BLTP1: variants seen among roughly 807,000 people sequenced by gnomAD.
BLTP1 encodes the protein fragile site-associated protein.
the BLTP1 span, among the ~76,000 whole-genome samples, chr4:122,260,759 G>C: frequency 6.6e-6 from 1 of 151,966 alleles, no homozygotes; most frequent in South Asian, 2.1e-4. Flanking sequence ...GCGAAGACAT[G>C]ATGAGTCTAA....
At chr4:122,319,421 T>A in the BLTP1 span, among the ~76,000 whole-genome samples, 1 of 152,024 alleles carries the variant, frequency 6.6e-6, no homozygotes, top group Non-Finnish European at 1.5e-5. Context: ...TGATTTTCTT[T>A]TATATTTTAA....
the BLTP1 span, chr4:122,348,791 C>A: frequency 1.0e-6 from 1 of 996,604 alleles, no homozygotes; most frequent in Non-Finnish European, 1.5e-6. Flanking sequence ...TAAAGATATT[C>A]AGAACCTTTT....
chr4:122,204,376 C>A, the BLTP1 span: 1 of 777,904 alleles, frequency 1.3e-6, no homozygotes, highest in Non-Finnish European at 1.6e-6. Flanking sequence ...TAGTATTTTG[C>A]CATTTACAAA....
the BLTP1 span, chr4:122,336,081 A>C: frequency 4.3e-5 from 29 of 677,434 alleles, no homozygotes; most frequent in Non-Finnish European, 6.4e-5. Flanking sequence ...ATTTTCTTGT[A>C]AGGCCTTAAA....
chr4:122,348,690 A>G, the BLTP1 span: 1 of 1,607,876 alleles, frequency 6.2e-7, no homozygotes, highest in Non-Finnish European at 8.5e-7. Flanking sequence ...GTTCAAATGA[A>G]TATGAGTAAT....
At chr4:122,316,785 T>C in the BLTP1 span, 1 of 1,613,124 alleles carries the variant, frequency 6.2e-7, no homozygotes, top group African/African-American at 1.3e-5. Flanking sequence ...CGGGAGAACT[T>C]AGAGGAAGAA....
chr4:122,359,352 T>C, the BLTP1 span: 1 of 954,734 alleles, frequency 1.0e-6, no homozygotes, highest in East Asian at 1.2e-4. Context: ...TCAGCATTTT[T>C]TATCATTAAT....
the BLTP1 span, chr4:122,299,936 C>T: frequency 1.0e-6 from 1 of 984,184 alleles, no homozygotes; most frequent in Non-Finnish European, 1.2e-6. Flanking sequence ...AGCGTACAGG[C>T]AGGCACTAAG....
the BLTP1 span, among the ~76,000 whole-genome samples, chr4:122,275,139 G>A: frequency 4.2e-3 from 641 of 152,142 alleles, 2 homozygotes; most frequent in African/African-American, 0.014. Flanking sequence ...AGGAAATTCC[G>A]GTGGTTGTGA....
chr4:122,258,945 A>G, the BLTP1 span: 3 of 640,312 alleles, frequency 4.7e-6, no homozygotes, highest in East Asian at 5.8e-5. Flanking sequence ...AAATATTCAG[A>G]TAGCATTTTC....
the BLTP1 span, among the ~76,000 whole-genome samples, chr4:122,319,539 A>ATTT: frequency 2.3e-5 from 3 of 131,682 alleles, no homozygotes; most frequent in Non-Finnish European, 4.9e-5. Context: ...ATGATTTATA[A>ATTT]TTTTTTTTTT....
chr4:122,350,505 G>GATTGTGTCCACCACTA, the BLTP1 span: 2 of 493,672 alleles, frequency 4.1e-6, no homozygotes, highest in Non-Finnish European at 5.3e-6. Context: ...GAGATCTAGT[G>GATTGTGTCCACCACTA]GTGGACAGAA....
At chr4:122,300,172 CT>C in the BLTP1 span, among the ~76,000 whole-genome samples, 5 of 152,062 alleles carry the variant, frequency 3.3e-5, no homozygotes, top group Admixed American at 2.0e-4. Context: ...GCACACCCAG[CT>C]AATTTTTTTT....
the BLTP1 span, chr4:122,286,655 C>G: frequency 1.2e-6 from 2 of 1,614,122 alleles, no homozygotes; most frequent in African/African-American, 1.3e-5. Flanking sequence ...AACCTTCCCC[C>G]TGTTACCATG....
chr4:122,282,005 A>ATGGAGGCCATTTCTCCAATTTAAACTT, the BLTP1 span: 14 of 983,364 alleles, frequency 1.4e-5, no homozygotes, highest in Admixed American at 6.1e-5. Context: ...TTATTCAACT[A>ATGGAGGCCATTTCTCCAATTTAAACTT]TGGAGGCCAT....
At chr4:122,359,741 C>G in the BLTP1 span, 1 of 1,584,708 alleles carries the variant, frequency 6.3e-7, no homozygotes, top group Non-Finnish European at 8.6e-7. Context: ...TGAGTATATA[C>G]ATTTACCCAT....
the BLTP1 span, among the ~76,000 whole-genome samples, chr4:122,168,654 G>A: frequency 6.6e-6 from 1 of 151,732 alleles, no homozygotes; most frequent in Non-Finnish European, 1.5e-5. Flanking sequence ...ATTTTAAGGT[G>A]CTGACAGGGA....
chr4:122,246,413 A>T, the BLTP1 span: 3 of 1,112,778 alleles, frequency 2.7e-6, no homozygotes, highest in African/African-American at 1.6e-5. Flanking sequence ...TATTAAAAAA[A>T]TATGTTTTAT....
At chr4:122,306,103 A>G in the BLTP1 span, 2 of 1,494,936 alleles carry the variant, frequency 1.3e-6, no homozygotes, top group Non-Finnish European at 1.8e-6. Context: ...TGTTAATGCT[A>G]GATAAGAATC....
Sources: allele counts gnomAD v4.1 joint callset (sites outside exome capture counted in the v4.1 genomes callset), GRCh38; gene constraint gnomAD v4.1.1; transcripts MANE v1.5; gene names NCBI Gene and HGNC (gene_info 2026-07-23, HGNC 2026-07-21).